Variants in CLSTN2 observed in about 807,000 individuals in gnomAD.
The protein encoded by CLSTN2 is calsyntenin-2.
A neutral mutation model predicts 101.2 loss-of-function variants in CLSTN2; 48 were observed. The ratio of observed to expected loss-of-function variants is 0.47; its 90% CI spans 0.38 to 0.60. CLSTN2 has a LOEUF of 0.60. Ranked by LOEUF, CLSTN2 falls within the 20% of genes least tolerant of loss-of-function variation. The pLI is 0.00. For synonymous variants in CLSTN2, 481 were observed against 463.6 expected, an observed-to-expected ratio of 1.04 and a Z score of -0.48; for missense variants, 1,160 against 1,238.2, an observed-to-expected ratio of 0.94 and a Z score of 0.95.
intron 2 of CLSTN2, among the ~76,000 whole-genome samples, chr3:140,314,206 A>G (rs1247594695): frequency 6.6e-6 from 1 of 152,182 alleles, no homozygotes; most frequent in African/African-American, 2.4e-5. Flanking sequence ...AGCTCCTAGG[A>G]AAAAGTTGGG....
At chr3:140,495,247 G>A (rs1934441823) in intron 8 of CLSTN2, among the ~76,000 whole-genome samples, 2 of 152,138 alleles carry the variant, frequency 1.3e-5, no homozygotes, top group Non-Finnish European at 2.9e-5. Context: ...AAATATGTTT[G>A]TTGGCTGCAA....
intron 2 of CLSTN2, among the ~76,000 whole-genome samples, chr3:140,206,624 T>G (rs1307796385): frequency 6.6e-6 from 1 of 152,208 alleles, no homozygotes; most frequent in Non-Finnish European, 1.5e-5. Flanking sequence ...GGGCTTCCTC[T>G]TTTAAATAAT....
chr3:139,935,277 G>A lies in CLSTN2; in HGVS notation c.-98G>A. On this transcript the variant is annotated 5_prime_UTR_variant, in exon 1 of 17. Transcript: ENST00000458420. This position sits in a 1 kb window ranked among gnomAD's most constrained non-coding sequence, Gnocchi z 5.5. ...GGCAGCGCTAGAAGCGCACCCATCG[G>A]GCACGGCGAGGCGGCCCACGGTGCG... 1.8e-6 allele frequency: 1 copy of A among 568,126 alleles called. No homozygotes were observed. The highest frequency in any genetic ancestry group is 3.8e-5 in the East Asian group (1 of 26,210). 35.2% of individuals were successfully genotyped at this position (568,126 alleles called of 1,614,324 possible). A position where few individuals can be genotyped will look rare whatever the true frequency, so the allele number is the denominator to read the frequency against.
intron 1 of CLSTN2, among the ~76,000 whole-genome samples, chr3:139,936,110 G>A (rs1173467438): frequency 6.6e-6 from 1 of 152,152 alleles, no homozygotes; most frequent in South Asian, 2.1e-4. Context: ...GGACCGAGGA[G>A]CCTAACCTGG....
chr3:140,277,661 C>T (rs1251501453), intron 2 of CLSTN2, among the ~76,000 whole-genome samples: 1 of 151,682 alleles, frequency 6.6e-6, no homozygotes, highest in Non-Finnish European at 1.5e-5. Context: ...GATTTGTTTC[C>T]CCTACCAGTG....
chr3:140,345,991 G>T (rs2087542970), intron 2 of CLSTN2, among the ~76,000 whole-genome samples: 2 of 152,168 alleles, frequency 1.3e-5, no homozygotes, highest in Admixed American at 6.5e-5. Context: ...CTGCAACCAT[G>T]CATGGCTTCC....
chr3:139,981,732 G>C (rs1014181922), intron 1 of CLSTN2, among the ~76,000 whole-genome samples: 1 of 152,206 alleles, frequency 6.6e-6, no homozygotes, highest in South Asian at 2.1e-4. Context: ...GTGGTTGGTT[G>C]CCTTTTTGGA....
chr3:140,001,668 T>C (rs116762018), intron 1 of CLSTN2, among the ~76,000 whole-genome samples: 1,699 of 152,224 alleles, frequency 0.011, 30 homozygotes, highest in African/African-American at 0.037. Context: ...AATTAAATTA[T>C]TGACTGTAGT....
chr3:140,093,201 C>T (rs1236673577), intron 1 of CLSTN2, among the ~76,000 whole-genome samples: 1 of 152,134 alleles, frequency 6.6e-6, no homozygotes, highest in East Asian at 1.9e-4. Context: ...GTGTCGCCTG[C>T]TCTGGTTGCT....
chr3:140,347,165 C>T (rs182195618), intron 2 of CLSTN2, among the ~76,000 whole-genome samples: 9 of 152,324 alleles, frequency 5.9e-5, no homozygotes, highest in Admixed American at 2.0e-4. Context: ...TCAATAAACA[C>T]CACTGACTGA....
chr3:140,510,626 C>A (rs1169118424), intron 8 of CLSTN2, among the ~76,000 whole-genome samples: 1 of 152,222 alleles, frequency 6.6e-6, no homozygotes, highest in Non-Finnish European at 1.5e-5. Flanking sequence ...TGCTCCCCTG[C>A]ACTCCAGCAC....
At chr3:140,349,267 A>G (rs1190200985) in intron 2 of CLSTN2, among the ~76,000 whole-genome samples, 1 of 152,164 alleles carries the variant, frequency 6.6e-6, no homozygotes, top group African/African-American at 2.4e-5. Context: ...TCGTTTATAA[A>G]TTACCCAGTC....
At chr3:140,078,368 T>A (rs1198414750) in intron 1 of CLSTN2, among the ~76,000 whole-genome samples, 1 of 152,178 alleles carries the variant, frequency 6.6e-6, no homozygotes, top group Non-Finnish European at 1.5e-5. Flanking sequence ...ATGGGGGAGA[T>A]GACTGGGGCA....
chr3:140,520,304 T>C (rs1270755585), intron 8 of CLSTN2, among the ~76,000 whole-genome samples: 2 of 152,228 alleles, frequency 1.3e-5, no homozygotes, highest in African/African-American at 4.8e-5. Context: ...ATGAACTGCC[T>C]GAGACTGGAT....
chr3:140,334,029 C>T (rs1013046996), intron 2 of CLSTN2, among the ~76,000 whole-genome samples: 3 of 152,134 alleles, frequency 2.0e-5, no homozygotes, highest in Non-Finnish European at 4.4e-5. Context: ...GAGAAGAAGG[C>T]GGGGGGTAGA....
chr3:140,561,190 G>A (rs1935906470), intron 12 of CLSTN2, among the ~76,000 whole-genome samples: 1 of 151,922 alleles, frequency 6.6e-6, no homozygotes, highest in Admixed American at 6.6e-5. Flanking sequence ...CTCTTCACAA[G>A]TTTTTCAATA....
Position 139,935,743 on chromosome 3 carries a change from T to C in CLSTN2, c.109+260T>C, listed in dbSNP as rs542132238. ...GAGGTCTGGGGAGTACGGACAACTT[T>C]GAGGGCTGTCTGTGCCGGGGTGGGA... On this transcript the variant is annotated intron_variant, in intron 1 of 16. Coordinates refer to ENST00000458420, the MANE Select transcript of CLSTN2 (RefSeq NM_022131.3). The surrounding 1 kb of genome is among the most constrained non-coding windows in gnomAD (Gnocchi z 5.5). 2.6e-4 allele frequency among the ~76,000 whole-genome samples: 39 copies of C among 151,622 alleles called. No individual in the cohort carries two copies. The South Asian group carries it at 8.0e-3, about 31-fold the overall frequency.
At chr3:140,018,103 A>T (rs889597346) in intron 1 of CLSTN2, among the ~76,000 whole-genome samples, 22 of 152,162 alleles carry the variant, frequency 1.4e-4, no homozygotes, top group Admixed American at 6.5e-4. Flanking sequence ...ACTTCAGGGC[A>T]CCCCTTTTCT....
intron 1 of CLSTN2, among the ~76,000 whole-genome samples, chr3:140,110,659 T>C (rs1203912076): frequency 2.6e-5 from 4 of 152,298 alleles, no homozygotes; most frequent in Non-Finnish European, 4.4e-5. Flanking sequence ...CTATTGTAGA[T>C]CTAGGGAAGC....
Sources: gnomAD v4.1 joint callset for allele counts (sites outside exome capture counted in the v4.1 genomes callset) on GRCh38, gnomAD v4.1.1 for gene constraint, Gnocchi (gnomAD v3.1) non-coding constraint, MANE v1.5 for transcripts, NCBI Gene and HGNC (gene_info 2026-07-23, HGNC 2026-07-21) for gene names.